LMBRD1: variants seen among roughly 807,000 people sequenced by gnomAD.
The protein encoded by LMBRD1 is lysosomal cobalamin transport escort protein LMBD1.
Under a neutral mutation model 74.8 loss-of-function variants are expected in LMBRD1, and 64 were observed. The ratio of observed to expected loss-of-function variants is 0.86; its 90% CI spans 0.70 to 1.05. LMBRD1 has a LOEUF of 1.05. Among genes scored for constraint, LMBRD1 ranks in the 50% least tolerant of loss-of-function variants. The pLI is 0.00. For missense variants in LMBRD1, 652 were observed against 645.9 expected (o/e 1.01, Z -0.10); for synonymous variants, 204 against 216.3 (o/e 0.94, Z 0.50).
At chr6:69,680,548 T>C (rs1237447325) in intron 14 of LMBRD1, among the ~76,000 whole-genome samples, 1 of 151,076 alleles carries the variant, frequency 6.6e-6, no homozygotes, top group Non-Finnish European at 1.5e-5. Flanking sequence ...AAACCATATC[T>C]TAAATATTTT....
At chr6:69,786,654 T>C (rs554348271) in intron 2 of LMBRD1, among the ~76,000 whole-genome samples, 2 of 152,220 alleles carry the variant, frequency 1.3e-5, no homozygotes, top group African/African-American at 2.4e-5. Context: ...AAACAAATTA[T>C]CTAGCTAAAA....
At chr6:69,701,787 C>G in intron 10 of LMBRD1, 102 bp downstream of exon 10, 1 of 830,960 alleles carries the variant, frequency 1.2e-6, no homozygotes, top group Non-Finnish European at 2.0e-6. Flanking sequence ...AGTAAAAAAG[C>G]TACTTAAGAT....
intron 1 of LMBRD1, 151 bp downstream of exon 1, chr6:69,796,662 G>A: frequency 1.6e-6 from 1 of 623,690 alleles, no homozygotes; most frequent in Admixed American, 2.5e-5. Context: ...GCCCGCCCAA[G>A]CCCCCAACAC....
At chr6:69,713,540 T>A (rs980284768) in intron 9 of LMBRD1, 105 bp downstream of exon 9, 1 of 1,193,958 alleles carries the variant, frequency 8.4e-7, no homozygotes, top group African/African-American at 1.5e-5. Flanking sequence ...AAATCCATTT[T>A]AAGTACCATG....
intron 14 of LMBRD1, among the ~76,000 whole-genome samples, chr6:69,691,935 T>C (rs945041045): frequency 6.6e-6 from 1 of 151,200 alleles, no homozygotes; most frequent in Non-Finnish European, 1.5e-5. Flanking sequence ...TTATAGAGAC[T>C]GTATTTTGAA....
chr6:69,787,981 A>G (rs1052015868), intron 2 of LMBRD1, among the ~76,000 whole-genome samples: 3 of 152,224 alleles, frequency 2.0e-5, no homozygotes, highest in Admixed American at 6.5e-5. Flanking sequence ...TCAAACAAGT[A>G]TAATGCAATC....
intron 14 of LMBRD1, among the ~76,000 whole-genome samples, chr6:69,679,691 A>T (rs1765621654): frequency 6.6e-6 from 1 of 152,174 alleles, no homozygotes; most frequent in South Asian, 2.1e-4. Context: ...CGAAGAGCCC[A>T]GGCTCCGGAC....
intron 3 of LMBRD1, among the ~76,000 whole-genome samples, chr6:69,759,136 C>T (rs1340034555): frequency 1.3e-5 from 2 of 151,952 alleles, no homozygotes; most frequent in African/African-American, 4.8e-5. Flanking sequence ...AGTAACAAAC[C>T]ACTCAAAATT....
chr6:69,786,860 T>C (rs1020723658), intron 2 of LMBRD1, among the ~76,000 whole-genome samples: 1 of 152,214 alleles, frequency 6.6e-6, no homozygotes, highest in Non-Finnish European at 1.5e-5. Context: ...ATCATTAATA[T>C]GTAGAGTTTC....
intron 3 of LMBRD1, among the ~76,000 whole-genome samples, chr6:69,771,791 T>C (rs1214823590): frequency 6.6e-6 from 1 of 152,076 alleles, no homozygotes; most frequent in Admixed American, 6.6e-5. Flanking sequence ...GACTGCTATA[T>C]TGTCAGTAAA....
chr6:69,678,961 T>A (rs896781509), intron 14 of LMBRD1, among the ~76,000 whole-genome samples: 1 of 151,726 alleles, frequency 6.6e-6, no homozygotes, highest in Admixed American at 6.6e-5. Context: ...TTATCTACTC[T>A]AAACCCTTCC....
intron 3 of LMBRD1, among the ~76,000 whole-genome samples, chr6:69,761,092 T>C (rs1385246238): frequency 1.3e-5 from 2 of 152,222 alleles, no homozygotes; most frequent in Admixed American, 1.3e-4. Context: ...TGAGGTAATT[T>C]GTTACATGAC....
At chr6:69,698,738 T>G (rs1463383043) in intron 13 of LMBRD1, among the ~76,000 whole-genome samples, 1 of 151,916 alleles carries the variant, frequency 6.6e-6, no homozygotes, top group African/African-American at 2.4e-5. Flanking sequence ...TAAAATTCGT[T>G]AAAACGTTAT....
At chr6:69,697,057 G>A (rs971905032) in intron 14 of LMBRD1, among the ~76,000 whole-genome samples, 8 of 149,758 alleles carry the variant, frequency 5.3e-5, no homozygotes, top group African/African-American at 2.0e-4. Context: ...AAAATACACA[G>A]AGGTTAAGAG....
chr6:69,701,595 A>G, intron 10 of LMBRD1, 50 bp from the exon 11 acceptor site: 2 of 1,138,614 alleles, frequency 1.8e-6, no homozygotes, highest in Non-Finnish European at 2.6e-6. Context: ...TCAAATTTTC[A>G]GCAAATTTAG....
chr6:69,726,823 C>T (rs542261816), intron 7 of LMBRD1, among the ~76,000 whole-genome samples: 21 of 151,346 alleles, frequency 1.4e-4, no homozygotes, highest in African/African-American at 4.8e-4. Context: ...GAAAGCACAA[C>T]AGGTGAACTA....
Position 69,720,276 on chromosome 6 carries a change from A to T in LMBRD1, c.637-1195T>A, listed in dbSNP as rs577555773. Among the ~76,000 whole-genome samples, 119 of 152,350 alleles carry T rather than the reference A, an allele frequency of 7.8e-4. 2 individuals are homozygous for T. In the South Asian group the frequency reaches 0.014, roughly 18 times the overall value. On this transcript the variant is annotated intron_variant, in intron 7 of 15. Coordinates refer to ENST00000649934, the MANE Select transcript of LMBRD1 (RefSeq NM_018368.4). ...ATCAACTCTACAGTACGTTGTATTT[A>T]GATACTTACCTAGCTGAAATTATTA... is the stretch of plus-strand genomic sequence containing the variant.
chr6:69,764,569 C>A (rs1481198544), intron 3 of LMBRD1, among the ~76,000 whole-genome samples: 1 of 152,160 alleles, frequency 6.6e-6, no homozygotes, highest in South Asian at 2.1e-4. Flanking sequence ...TTACATTTCC[C>A]TAATCATTAA....
At chr6:69,787,105 C>T (rs929705809) in intron 2 of LMBRD1, among the ~76,000 whole-genome samples, 5 of 152,188 alleles carry the variant, frequency 3.3e-5, no homozygotes, top group Non-Finnish European at 7.3e-5. Context: ...TTTACTCTGA[C>T]TACATTTACA....
Sources: gnomAD v4.1 joint callset for allele counts (sites outside exome capture counted in the v4.1 genomes callset) on GRCh38, gnomAD v4.1.1 for gene constraint, MANE v1.5 for transcripts, NCBI Gene and HGNC (gene_info 2026-07-23, HGNC 2026-07-21) for gene names.